ZNF808: variants seen among roughly 807,000 people sequenced by gnomAD.
ZNF808 encodes zinc finger protein 808.
ZNF808 carries 5 observed loss-of-function variants against 8.7 expected under a neutral mutation model. The ratio of observed to expected loss-of-function variants is 0.58; its 90% CI spans 0.30 to 1.21. ZNF808 has a LOEUF of 1.21. ZNF808 is among the 50% of genes most tolerant of loss of function. The pLI is 0.07. For synonymous variants in ZNF808, 380 were observed against 366.0 expected (o/e 1.04, Z -0.44); for missense variants, 1,103 against 1,098.4 (o/e 1.00, Z -0.06).
downstream of ZNF808, among the ~76,000 whole-genome samples, chr19:52,565,034 C>T (rs1282703463): frequency 2.0e-5 from 3 of 151,930 alleles, no homozygotes; most frequent in Admixed American, 6.6e-5. Context: ...TGCAGTGAGC[C>T]GAGATAGCAC....
chr19:52,535,319 A>T (rs187775068), intron 2 of ZNF808, among the ~76,000 whole-genome samples: 10 of 131,200 alleles, frequency 7.6e-5, no homozygotes, highest in African/African-American at 3.0e-4. Flanking sequence ...TGACAGAGCG[A>T]GACTCCGTCT....
At chr19:52,561,159 T>C (rs958509917), downstream of ZNF808, among the ~76,000 whole-genome samples, 1 of 25,816 alleles carries the variant, frequency 3.9e-5, no homozygotes, top group East Asian at 1.1e-3. Flanking sequence ...TTCTATCTGT[T>C]CTCTCTCTCT....
At chr19:52,559,353 CA>C (rs1271552949), downstream of ZNF808, among the ~76,000 whole-genome samples, 1 of 152,136 alleles carries the variant, frequency 6.6e-6, no homozygotes, top group African/African-American at 2.4e-5. Context: ...ATCAAAAGCA[CA>C]GCACTTTTTC....
At chr19:52,566,145 T>A (rs778295288), downstream of ZNF808, among the ~76,000 whole-genome samples, 16 of 150,772 alleles carry the variant, frequency 1.1e-4, no homozygotes, top group East Asian at 3.9e-4. Flanking sequence ...GTGAAAGATT[T>A]TATATATATA....
At chr19:52,568,711 TCTC>T (rs2146972337), downstream of ZNF808, among the ~76,000 whole-genome samples, 1 of 152,276 alleles carries the variant, frequency 6.6e-6, no homozygotes, top group South Asian at 2.1e-4. Context: ...AGGTGGCTAT[TCTC>T]ATGCTTTGTG....
intron 4 of ZNF808, among the ~76,000 whole-genome samples, chr19:52,551,967 C>T (rs759647927): frequency 2.6e-5 from 4 of 151,986 alleles, no homozygotes; most frequent in East Asian, 3.9e-4. Flanking sequence ...TACACCATGA[C>T]GCTCCAAGTT....
At chr19:52,550,864 T>A (rs1312322660) in intron 4 of ZNF808, among the ~76,000 whole-genome samples, 1 of 152,110 alleles carries the variant, frequency 6.6e-6, no homozygotes, top group Non-Finnish European at 1.5e-5. Flanking sequence ...TTTTCAGCCT[T>A]CAGTGATGTT....
chr19:52,534,558 T>C (rs1461996951), intron 2 of ZNF808, among the ~76,000 whole-genome samples: 4 of 152,188 alleles, frequency 2.6e-5, no homozygotes, highest in Admixed American at 6.6e-5. Flanking sequence ...CTCTTTGTTT[T>C]TCAATTATAT....
intron 1 of ZNF808, among the ~76,000 whole-genome samples, chr19:52,532,473 A>T (rs940381702): frequency 3.9e-5 from 6 of 152,188 alleles, no homozygotes; most frequent in Non-Finnish European, 8.8e-5. Flanking sequence ...TTACCCTTAC[A>T]TAAGCTTCTG....
chr19:52,567,901 G>C (rs2059876763), downstream of ZNF808, among the ~76,000 whole-genome samples: 1 of 152,168 alleles, frequency 6.6e-6, no homozygotes, highest in Admixed American at 6.5e-5. Flanking sequence ...GAAGGACTTA[G>C]AATCTCTTCT....
downstream of ZNF808, among the ~76,000 whole-genome samples, chr19:52,559,238 A>G (rs140583882): frequency 3.4e-4 from 52 of 152,198 alleles, no homozygotes; most frequent in East Asian, 8.7e-3. Context: ...GCCCAATTGT[A>G]TATTCCATCT....
At chr19:52,567,349 G>C (rs1426067708), downstream of ZNF808, among the ~76,000 whole-genome samples, 2 of 151,490 alleles carry the variant, frequency 1.3e-5, no homozygotes, top group African/African-American at 4.8e-5. Flanking sequence ...ACCTATGTAA[G>C]AGAAACTTTA....
At chr19:52,535,817 C>T (rs2059603612) in intron 2 of ZNF808, among the ~76,000 whole-genome samples, 2 of 152,306 alleles carry the variant, frequency 1.3e-5, no homozygotes, top group South Asian at 4.1e-4. Flanking sequence ...GCTCTCACCT[C>T]CAAACACCGA....
chr19:52,532,367 A>C (rs2059568637), intron 1 of ZNF808, among the ~76,000 whole-genome samples: 1 of 152,034 alleles, frequency 6.6e-6, no homozygotes, highest in Admixed American at 6.6e-5. Context: ...CTGGGACTAC[A>C]GGTGACCGCC....
rs573751341 is a variant in ZNF808 at position 52,549,914 on chromosome 19, C to G, written c.190+2276C>G. ...GCTTAAATCAGTGTGTGCAGGGCATCATGACTCAGCACATGATCCATGAGG... is the reference window on the plus strand; with the variant it reads ...GCTTAAATCAGTGTGTGCAGGGCATGATGACTCAGCACATGATCCATGAGG... On this transcript the variant is annotated intron_variant, in intron 4 of 4. Coordinates refer to ENST00000359798, the MANE Select transcript of ZNF808 (RefSeq NM_001039886.4). 4.6e-3 allele frequency among the ~76,000 whole-genome samples: 694 copies of G among 152,246 alleles called. 6 individuals carry two copies. The highest frequency in any genetic ancestry group is 0.015 in the African/African-American group (605 of 41,528).
rs1021203159 is a variant in ZNF808 at position 52,555,744 on chromosome 19, G to C, written c.*116G>C. ...AAATGTGGCATGTTTTTCAGACATT[G>C]TTCATACATTGCAGTTCATTGGCAA... On this transcript the variant is annotated 3_prime_UTR_variant, in exon 5 of 5. Coordinates refer to ENST00000359798, the MANE Select transcript of ZNF808 (RefSeq NM_001039886.4). The C allele has an allele frequency of 7.2e-5, 104 of 1,443,930 alleles. No homozygotes were observed. The African/African-American group carries it at 1.4e-3, about 19-fold the overall frequency. 89.4% of individuals were successfully genotyped at this position (1,443,930 alleles called of 1,614,324 possible).
chr19:52,555,535 A>T lies in ZNF808; in HGVS notation c.2619A>T (p.Lys873Asn), dbSNP rs762837611. 1 of 1,614,086 alleles carries T rather than the reference A, an allele frequency of 6.2e-7. No homozygotes were observed. Among genetic ancestry groups the T allele is most frequent in the Non-Finnish European group, 8.5e-7 (1 of 1,180,020 alleles). Residue 873 changes from lysine to asparagine, a missense_variant, in exon 5 of 5, where the codon AAA (lysine) becomes AAT (asparagine). Transcript: ENST00000359798. The stretch of plus-strand genomic sequence containing the variant: ...ATAGGATAATTCATACTGGAGAGAA[A>T]CCTTACAAGTGTAATGAGTGTGGCA... ...KRHRIIHTGE[K>N]PYKCNECGKA...
rs575573485 is a variant in ZNF808 at position 52,538,847 on chromosome 19, C to T, written c.-19-4419C>T. ...TGATGAAGTGATGACATGTTGTTTT[C>T]TCTGTTTATAAGGTAACAAATTTAA... On this transcript the variant is annotated intron_variant, in intron 2 of 4. Transcript: ENST00000359798. Among the ~76,000 whole-genome samples the T allele has an allele frequency of 3.2e-4, 49 of 152,238 alleles. 1 individual carries two copies. The South Asian group carries it at 1.0e-2, about 31-fold the overall frequency.
chr19:52,561,655 C>T (rs919657105), intron 3 of ZNF808, among the ~76,000 whole-genome samples: 2 of 151,530 alleles, frequency 1.3e-5, no homozygotes, highest in African/African-American at 2.4e-5. Flanking sequence ...TCAAGCGATT[C>T]TCCTGCCTGA....
Sources: allele counts gnomAD v4.1 joint callset (sites outside exome capture counted in the v4.1 genomes callset), GRCh38; gene constraint gnomAD v4.1.1; transcripts MANE v1.5; gene names NCBI Gene and HGNC (gene_info 2026-07-23, HGNC 2026-07-21).